ALS2: variants seen among roughly 807,000 people sequenced by gnomAD.
ALS2 encodes the protein alsin.
A neutral mutation model predicts 203.4 loss-of-function variants in ALS2; 117 were observed. That is an observed-to-expected ratio of 0.58 (90% CI 0.50 to 0.67). The LOEUF is 0.67. Among genes scored for constraint, ALS2 ranks in the 30% least tolerant of loss-of-function variants. The probability of loss-of-function intolerance (pLI) is 0.00; values close to 1 mark genes in which losing one functional copy is unlikely to be tolerated. For synonymous variants in ALS2, 718 were observed against 725.9 expected (o/e 0.99, Z 0.17); for missense variants, 1,715 against 1,989.4 (o/e 0.86, Z 2.62).
At chr2:201,704,038 A>C (rs1216502500) in intron 33 of ALS2, 84 bp downstream of exon 33, 3 of 1,219,954 alleles carry the variant, frequency 2.5e-6, no homozygotes, top group Non-Finnish European at 3.6e-6. Context: ...TTTTATACAA[A>C]AAAAGTGGTT....
chr2:201,742,490 A>C (rs1692344403), intron 10 of ALS2, among the ~76,000 whole-genome samples: 1 of 152,224 alleles, frequency 6.6e-6, no homozygotes, highest in South Asian at 2.1e-4. Context: ...GTAGACTGGG[A>C]AGACCAACAA....
chr2:201,772,608 T>C (rs192555330), intron 1 of ALS2, among the ~76,000 whole-genome samples: 60 of 152,304 alleles, frequency 3.9e-4, no homozygotes, highest in Admixed American at 5.2e-4. Context: ...TTATGCATCT[T>C]ACTCTAAAGA....
chr2:201,760,586 A>T, intron 4 of ALS2: 3 of 1,194,454 alleles, frequency 2.5e-6, no homozygotes, highest in Non-Finnish European at 3.1e-6. Flanking sequence ...AAAATTCAGT[A>T]CTTTAGCCAT....
At position 201,728,625 on chromosome 2, in the gene ALS2, G is replaced by C. The variant is rs1280894606; in HGVS notation, c.2728C>G (p.Pro910Ala). ...PGKMTDSLRK[P>A]ERRLLCESSN... ...CTCTCACACAGCAGTCGACGCTCTG[G>C]CTTCCTCAAGGAATCCTGGAATTAA... The change falls in exon 15 of 34, where the codon CCA (proline) becomes GCA (alanine). Residue 910 changes from proline (P) to alanine (A), a missense_variant. Pro to Ala is a conservative substitution (Grantham distance 27, BLOSUM62 -1). Coordinates refer to ENST00000264276, the MANE Select transcript of ALS2 (RefSeq NM_020919.4). The C allele has an allele frequency of 2.5e-6, 4 of 1,613,914 alleles. No homozygotes were observed. In the Admixed American group the frequency reaches 6.7e-5, roughly 27 times the overall value.
intron 23 of ALS2, among the ~76,000 whole-genome samples, chr2:201,720,453 A>G (rs1308098052): frequency 2.0e-5 from 3 of 148,088 alleles, no homozygotes; most frequent in Non-Finnish European, 4.4e-5. Flanking sequence ...CTGTAATCCT[A>G]GCACTTTGGG....
chr2:201,717,341 C>A (rs187185578), intron 24 of ALS2, among the ~76,000 whole-genome samples: 1 of 151,994 alleles, frequency 6.6e-6, no homozygotes, highest in Admixed American at 6.6e-5. Context: ...TTGTGTGCAC[C>A]TACAGTCTCA....
In ALS2 at chr2:201,737,671, C is replaced by T. The variant is rs963746388; in HGVS notation, c.2417+999G>A. ...GCATGGTGGCTCACGCCTGTAATCC[C>T]GGCACTTTTGGAGGCCGAGGTGGGT... On this transcript the variant is annotated intron_variant, in intron 12 of 33. Coordinates refer to ENST00000264276, the MANE Select transcript of ALS2 (RefSeq NM_020919.4). Among the ~76,000 whole-genome samples, 6 of 152,198 alleles carry T rather than the reference C, an allele frequency of 3.9e-5. No individual in the cohort carries two copies. In the South Asian group the frequency reaches 8.3e-4, roughly 21 times the overall value.
chr2:201,738,067 G>A (rs1443763949), intron 12 of ALS2, among the ~76,000 whole-genome samples: 1 of 152,062 alleles, frequency 6.6e-6, no homozygotes, highest in Non-Finnish European at 1.5e-5. Context: ...TTGGGAGGCT[G>A]AGACAGGAGA....
In ALS2 at chr2:201,730,225, G is replaced by A. The variant is rs530018950; in HGVS notation, c.2581-1042C>T. On this transcript the variant is annotated intron_variant, in intron 13 of 33. Transcript: ENST00000264276. ...CAATGAGCTTTTTGTACCCTGTGATGTTAAAATCCAGGGGTCTATCATGCA... is the reference window on the plus strand; with the variant it reads ...CAATGAGCTTTTTGTACCCTGTGATATTAAAATCCAGGGGTCTATCATGCA... 4.6e-5 allele frequency among the ~76,000 whole-genome samples: 7 copies of A among 152,300 alleles called. No individual in the cohort carries two copies. In the South Asian group the frequency reaches 1.5e-3, roughly 32 times the overall value.
chr2:201,771,429 C>A (rs10184057), intron 1 of ALS2, among the ~76,000 whole-genome samples: 25,712 of 151,978 alleles, frequency 0.17, 2,482 homozygotes, highest in East Asian at 0.4. Context: ...CCTGAAACTC[C>A]AATAGGGCAA....
intron 1 of ALS2, among the ~76,000 whole-genome samples, chr2:201,773,928 C>T (rs1040041808): frequency 1.3e-5 from 2 of 152,122 alleles, no homozygotes; most frequent in African/African-American, 4.8e-5. Flanking sequence ...CTAAAGTGTC[C>T]ATTGGATTTG....
At chr2:201,747,543 C>T (rs541165850) in intron 8 of ALS2, among the ~76,000 whole-genome samples, 1 of 151,828 alleles carries the variant, frequency 6.6e-6, no homozygotes, top group African/African-American at 2.4e-5. Context: ...CTCCACCTCC[C>T]GGGTTCATGC....
Position 201,724,315 on chromosome 2 carries a change from A to G in ALS2, c.3492T>C (p.Gly1164=). The G allele has an allele frequency of 1.2e-6, 2 of 1,613,948 alleles. No homozygotes were observed. Among genetic ancestry groups the G allele is most frequent in the Non-Finnish European group, 1.7e-6 (2 of 1,179,880 alleles). The change falls in exon 21 of 34, where the codon GGT becomes GGC. Residue 1164 remains glycine (G), a synonymous_variant. Transcript: ENST00000264276. ...TGTACCTAGTGATATCATCAAAGAC[A>G]CCATATCCTGCTTTCTTATCCATTA... The part of the protein sequence containing the change: ...QWVMDKKAGY[G]VFDDITRGEK...
intron 25 of ALS2, among the ~76,000 whole-genome samples, chr2:201,712,962 C>T (rs1382557586): frequency 6.6e-6 from 1 of 151,990 alleles, no homozygotes; most frequent in Non-Finnish European, 1.5e-5. Flanking sequence ...AGATCTTTGT[C>T]CATGAATTTT....
Position 201,726,850 on chromosome 2 carries a change from G to A in ALS2, c.2996C>T (p.Ala999Val). 2.5e-6 allele frequency: 4 copies of A among 1,613,852 alleles called. No individual in the cohort carries two copies. Among genetic ancestry groups the A allele is most frequent in the Middle Eastern group, 1.7e-4 (1 of 6,042 alleles). ...TPQEKTKWLR[A>V]ISQAVDQALR... ...AGCCTGATCTACGGCTTGGCTTATA[G>A]CTCGTAGCCACTTTGTCTAGGAGCA... The change falls in exon 18 of 34, where the codon GCT (alanine) becomes GTT (valine). Residue 999 changes from alanine to valine, a missense_variant. This residue lies in a region of ALS2 where 1,227 missense variants were observed against 1,413.5 expected (regional missense o/e 0.87). Transcript: ENST00000264276.
At chr2:201,738,385 C>G (rs1692021157) in intron 12 of ALS2, among the ~76,000 whole-genome samples, 1 of 152,166 alleles carries the variant, frequency 6.6e-6, no homozygotes, top group Admixed American at 6.5e-5. Flanking sequence ...ATGAAGAACA[C>G]TAGGCCTACT....
chr2:201,736,442 T>C (rs963604933), intron 12 of ALS2, among the ~76,000 whole-genome samples: 2 of 152,230 alleles, frequency 1.3e-5, no homozygotes, highest in Non-Finnish European at 1.5e-5. Context: ...TACTAAGACT[T>C]GTAAGATTCA....
At position 201,723,087 on chromosome 2, in the gene ALS2, T is replaced by G. The variant is rs370591665; in HGVS notation, c.3658A>C (p.Ile1220Leu). The G allele has an allele frequency of 6.2e-7, 1 of 1,613,728 alleles. No homozygotes were observed. The highest frequency in any genetic ancestry group is 1.7e-5 in the Admixed American group (1 of 60,002). Residue 1220 changes from isoleucine (I) to leucine (L), a missense_variant, in exon 23 of 34, where the codon ATC (isoleucine) becomes CTC (leucine). By Grantham distance (5) the Ile-to-Leu change is conservative. Coordinates refer to ENST00000264276, the MANE Select transcript of ALS2 (RefSeq NM_020919.4). ...TCATCTGAAAATTCTCCTTCATAGATAGTATCATCTTCGGAAAGCAAAACC... is the reference window on the plus strand; with the variant it reads ...TCATCTGAAAATTCTCCTTCATAGAGAGTATCATCTTCGGAAAGCAAAACC... ...NGVLLSEDDTIYEGEFSDDWT... is the reference protein window; with the variant it reads ...NGVLLSEDDTLYEGEFSDDWT...
intron 28 of ALS2, 99 bp downstream of exon 28, chr2:201,707,770 A>C: frequency 1.3e-6 from 2 of 1,487,700 alleles, no homozygotes; most frequent in East Asian, 2.5e-5. Flanking sequence ...AGAAATGAGG[A>C]AATAGATCTA....
Sources: allele counts gnomAD v4.1 joint callset (sites outside exome capture counted in the v4.1 genomes callset), GRCh38; gene constraint gnomAD v4.1.1; regional missense constraint gnomAD v4.1.1; transcripts MANE v1.5; gene names NCBI Gene and HGNC (gene_info 2026-07-23, HGNC 2026-07-21).